Variants in ATP10B observed in about 807,000 individuals in gnomAD.
ATP10B encodes ATPase phospholipid transporting 10B (putative), also known as phospholipid-transporting ATPase VB.
A neutral mutation model predicts 141.2 loss-of-function variants in ATP10B; 122 were observed. The observed-to-expected ratio is 0.86, with a 90% CI of 0.75 to 1.00. ATP10B has a LOEUF of 1.00. ATP10B is among the 50% of genes least tolerant of loss of function. The probability of loss-of-function intolerance (pLI) is 0.00; values close to 1 mark genes in which losing one functional copy is unlikely to be tolerated. For missense variants in ATP10B, 1,876 were observed against 1,825.3 expected, an observed-to-expected ratio of 1.03 and a Z score of -0.51; for synonymous variants, 685 against 692.0, an observed-to-expected ratio of 0.99 and a Z score of 0.16.
At chr5:160,808,074 T>C (rs1416226365) in intron 1 of ATP10B, among the ~76,000 whole-genome samples, 2 of 152,166 alleles carry the variant, frequency 1.3e-5, no homozygotes, top group Non-Finnish European at 2.9e-5. Flanking sequence ...TAAAGAAACA[T>C]ACTCAAAGTC....
the ATP10B span, among the ~76,000 whole-genome samples, chr5:160,891,306 C>T: frequency 6.6e-6 from 1 of 152,162 alleles, no homozygotes; most frequent in Non-Finnish European, 1.5e-5. Flanking sequence ...CATCGTAGGT[C>T]CCTTGCCTCA....
At chr5:160,583,193 TG>T (rs1755663360) in intron 24 of ATP10B, among the ~76,000 whole-genome samples, 1 of 152,228 alleles carries the variant, frequency 6.6e-6, no homozygotes, top group South Asian at 2.1e-4. Flanking sequence ...CTTTTTGTGC[TG>T]TTTTTTTCTC....
intron 2 of ATP10B, among the ~76,000 whole-genome samples, chr5:160,737,634 T>A (rs1458334386): frequency 1.3e-5 from 2 of 151,940 alleles, no homozygotes; most frequent in African/African-American, 4.8e-5. Flanking sequence ...AAATAAAAAA[T>A]CCTATTTATA....
At chr5:160,705,570 T>C (rs1260675161) in intron 3 of ATP10B, among the ~76,000 whole-genome samples, 1 of 152,162 alleles carries the variant, frequency 6.6e-6, no homozygotes, top group Non-Finnish European at 1.5e-5. Flanking sequence ...CCCCAACTTT[T>C]CTTCTGCAGC....
At chr5:160,749,401 G>T (rs923287823) in intron 2 of ATP10B, among the ~76,000 whole-genome samples, 4 of 152,182 alleles carry the variant, frequency 2.6e-5, no homozygotes, top group Non-Finnish European at 4.4e-5. Context: ...GAGCTGGGGG[G>T]TTCATGCCTC....
At chr5:160,691,107 C>A (rs1257061178) in intron 3 of ATP10B, among the ~76,000 whole-genome samples, 1 of 152,068 alleles carries the variant, frequency 6.6e-6, no homozygotes. Flanking sequence ...AACACAGGAA[C>A]AGAAAACCAA....
At chr5:160,580,406 C>A (rs1755466088) in intron 24 of ATP10B, among the ~76,000 whole-genome samples, 1 of 152,176 alleles carries the variant, frequency 6.6e-6, no homozygotes, top group Non-Finnish European at 1.5e-5. Context: ...TTTTCTGCAT[C>A]TATTGAGGTA....
chr5:160,635,370 G>A (rs1054449636), intron 11 of ATP10B, among the ~76,000 whole-genome samples: 10 of 145,822 alleles, frequency 6.9e-5, no homozygotes, highest in African/African-American at 2.4e-4. Context: ...TGCGAGGGGA[G>A]GTCAGGGAGG....
intron 2 of ATP10B, among the ~76,000 whole-genome samples, chr5:160,744,408 G>T (rs539283631): frequency 4.6e-5 from 7 of 152,284 alleles, no homozygotes; most frequent in African/African-American, 1.7e-4. Context: ...TTTCTATCTG[G>T]CTGGGGACTG....
upstream of ATP10B, among the ~76,000 whole-genome samples, chr5:160,855,085 G>C (rs1753963452): frequency 6.6e-6 from 1 of 152,068 alleles, no homozygotes; most frequent in African/African-American, 2.4e-5. Flanking sequence ...TATTTTTCTA[G>C]AATAAATGCA....
At chr5:160,606,695 C>T (rs888092892) in intron 19 of ATP10B, 70 bp downstream of exon 19, 1 of 1,492,874 alleles carries the variant, frequency 6.7e-7, no homozygotes, top group Non-Finnish European at 9.2e-7. Flanking sequence ...CCTGACCTCC[C>T]ACCTCTGGTC....
rs1168286988 is a variant in ATP10B, at chr5:160,788,606, C to T, written c.-575-2803G>A. On this transcript the variant is annotated intron_variant, in intron 1 of 25. Coordinates refer to ENST00000327245, the MANE Select transcript of ATP10B (RefSeq NM_025153.3). ...AGAGTCCAGAGGGTGGCTGTCAACT[C>T]CCTGCCTCTCTTCTCAATAACTCCT... Among the ~76,000 whole-genome samples the T allele has an allele frequency of 2.0e-5, 3 of 151,994 alleles. No homozygotes were observed. In the East Asian group the frequency reaches 5.8e-4, roughly 29 times the overall value.
chr5:160,737,686 A>G (rs959848753), intron 2 of ATP10B, among the ~76,000 whole-genome samples: 15 of 152,150 alleles, frequency 9.9e-5, no homozygotes, highest in African/African-American at 3.1e-4. Flanking sequence ...TTAACCAAAG[A>G]TGTAGGTTGG....
intron 24 of ATP10B, among the ~76,000 whole-genome samples, chr5:160,589,135 C>T (rs1213411822): frequency 6.6e-6 from 1 of 152,082 alleles, no homozygotes; most frequent in Non-Finnish European, 1.5e-5. Flanking sequence ...CCTCAGCCTC[C>T]CGAGTAGCTG....
intron 24 of ATP10B, among the ~76,000 whole-genome samples, chr5:160,573,922 T>C (rs1405945657): frequency 6.6e-6 from 1 of 152,230 alleles, no homozygotes; most frequent in Non-Finnish European, 1.5e-5. Context: ...CGATGTAACA[T>C]TCCTGTACAT....
the ATP10B span, among the ~76,000 whole-genome samples, chr5:160,868,225 C>A: frequency 1.3e-5 from 2 of 152,032 alleles, no homozygotes; most frequent in Non-Finnish European, 1.5e-5. Flanking sequence ...AGAGTCAATG[C>A]CTTTTTGACT....
chr5:160,816,658 C>T (rs1249729835), intron 1 of ATP10B, among the ~76,000 whole-genome samples: 5 of 152,138 alleles, frequency 3.3e-5, no homozygotes, highest in African/African-American at 4.8e-5. Flanking sequence ...TTTATGAGGC[C>T]AGCATCATCC....
chr5:160,863,472 G>A, the ATP10B span, among the ~76,000 whole-genome samples: 1 of 152,020 alleles, frequency 6.6e-6, no homozygotes, highest in African/African-American at 2.4e-5. Flanking sequence ...GCGTTAAGAG[G>A]AAAGTTCATA....
At chr5:160,789,768 T>A (rs1276510389) in intron 1 of ATP10B, among the ~76,000 whole-genome samples, 1 of 152,146 alleles carries the variant, frequency 6.6e-6, no homozygotes, top group African/African-American at 2.4e-5. Flanking sequence ...AGGTGAGACC[T>A]AGGTTCATGT....
Sources: gnomAD v4.1 joint callset for allele counts (sites outside exome capture counted in the v4.1 genomes callset) on GRCh38, gnomAD v4.1.1 for gene constraint, MANE v1.5 for transcripts, NCBI Gene and HGNC (gene_info 2026-07-23, HGNC 2026-07-21) for gene names.